The following CDYL2 variants were observed in gnomAD, a reference collection of about 807,000 sequenced individuals.
CDYL2 encodes chromodomain Y-like protein 2.
A neutral mutation model predicts 49.4 loss-of-function variants in CDYL2; 23 were observed. That is an observed-to-expected ratio of 0.47 (90% CI 0.34 to 0.66). CDYL2 has a LOEUF of 0.66. Among genes scored for constraint, CDYL2 ranks in the 30% least tolerant of loss-of-function variants. The pLI is 0.01. For missense variants in CDYL2, 678 were observed against 656.4 expected (o/e 1.03, Z -0.36); for synonymous variants, 360 against 268.8 (o/e 1.34, Z -3.32).
intron 1 of CDYL2, among the ~76,000 whole-genome samples, chr16:80,785,024 G>C (rs1290476502): frequency 6.6e-6 from 1 of 152,102 alleles, no homozygotes; most frequent in Non-Finnish European, 1.5e-5. Flanking sequence ...AACGGGGAGT[G>C]GTGTTAGCCA....
intron 1 of CDYL2, among the ~76,000 whole-genome samples, chr16:80,803,932 G>T (rs1186575957): frequency 2.8e-5 from 4 of 142,704 alleles, no homozygotes; most frequent in Non-Finnish European, 6.2e-5. Context: ...AAGAGAAAGA[G>T]GGAGCGGGCG....
chr16:80,674,855 A>G (rs1567565962), intron 2 of CDYL2, among the ~76,000 whole-genome samples: 4 of 152,078 alleles, frequency 2.6e-5, no homozygotes, highest in South Asian at 2.1e-4. Flanking sequence ...TTTTTTTGCC[A>G]TTTCTTCTAG....
chr16:80,665,505 TA>T lies in CDYL2; in HGVS notation c.616+19032del, dbSNP rs35248259. On this transcript the variant is annotated intron_variant, in intron 2 of 6. Coordinates refer to ENST00000570137, the MANE Select transcript of CDYL2 (RefSeq NM_152342.4). ...AAAAAGTAATTGAGGTTTTTGCCAT[TA>T]AAAAAAAAAAAAAAAAAAAATAGCA... Among the ~76,000 whole-genome samples, 890 of 121,614 alleles carry T rather than the reference TA, an allele frequency of 7.3e-3. 4 individuals are homozygous for T. The highest frequency in any genetic ancestry group is 0.017 in the East Asian group (69 of 4,064). The allele number at this position is 121,614 out of a possible 152,430, so 79.8% of individuals were successfully genotyped here. A position where few individuals can be genotyped will look rare whatever the true frequency, so the allele number is the denominator to read the frequency against.
At chr16:80,608,378 T>A (rs1184278532) in intron 5 of CDYL2, 143 bp from the exon 6 acceptor site, 3 of 915,952 alleles carry the variant, frequency 3.3e-6, no homozygotes, top group African/African-American at 1.7e-5. Flanking sequence ...TGGGGTCAGA[T>A]AAGCTTTGGG....
chr16:80,631,022 T>C (rs1432789626), intron 3 of CDYL2, among the ~76,000 whole-genome samples: 2 of 152,056 alleles, frequency 1.3e-5, no homozygotes, highest in African/African-American at 4.8e-5. Flanking sequence ...ATACAGGATA[T>C]TGCAAGGACA....
At chr16:80,770,734 T>C (rs1906878127) in intron 1 of CDYL2, among the ~76,000 whole-genome samples, 1 of 152,230 alleles carries the variant, frequency 6.6e-6, no homozygotes, top group Admixed American at 6.5e-5. Context: ...AGACATACAA[T>C]ACTTTTAAAT....
chr16:80,627,195 C>G (rs1036972870), intron 3 of CDYL2, among the ~76,000 whole-genome samples: 1 of 152,168 alleles, frequency 6.6e-6, no homozygotes, highest in African/African-American at 2.4e-5. Flanking sequence ...ATCAAAAAAG[C>G]TCACAGGCCA....
intron 4 of CDYL2, among the ~76,000 whole-genome samples, chr16:80,613,173 T>C (rs906722576): frequency 5.9e-5 from 9 of 152,166 alleles, no homozygotes; most frequent in African/African-American, 2.2e-4. Context: ...AATTTCTATA[T>C]ATCCTAAGGA....
intron 1 of CDYL2, among the ~76,000 whole-genome samples, chr16:80,706,834 G>C (rs1904421761): frequency 6.6e-6 from 1 of 152,206 alleles, no homozygotes; most frequent in Non-Finnish European, 1.5e-5. Context: ...GCAGAAGATA[G>C]GCCGGTCTCA....
At chr16:80,667,523 T>C (rs1245525836) in intron 2 of CDYL2, among the ~76,000 whole-genome samples, 2 of 152,180 alleles carry the variant, frequency 1.3e-5, no homozygotes, top group Non-Finnish European at 2.9e-5. Context: ...TCGGTGCCCT[T>C]ACCTATGGCC....
intron 2 of CDYL2, among the ~76,000 whole-genome samples, chr16:80,654,029 T>C (rs1211435275): frequency 6.6e-6 from 1 of 152,200 alleles, no homozygotes; most frequent in Non-Finnish European, 1.5e-5. Flanking sequence ...GAAAATCTCC[T>C]GGACTGTCAC....
At chr16:80,679,291 T>TAAAC (rs147738019) in intron 2 of CDYL2, among the ~76,000 whole-genome samples, 81,826 of 150,748 alleles carry the variant, frequency 0.54, 23,262 homozygotes, top group Middle Eastern at 0.68. Flanking sequence ...AATAAATAAA[T>TAAAC]AAACAAACAA....
intron 2 of CDYL2, among the ~76,000 whole-genome samples, chr16:80,654,119 T>A (rs188617501): frequency 0.012 from 1,815 of 152,170 alleles, 33 homozygotes; most frequent in East Asian, 0.036. Flanking sequence ...GCCGTGGTGA[T>A]TTGGGGAAGA....
At chr16:80,631,741 G>C (rs139418535) in intron 3 of CDYL2, among the ~76,000 whole-genome samples, 1 of 152,140 alleles carries the variant, frequency 6.6e-6, no homozygotes, top group Non-Finnish European at 1.5e-5. Context: ...ATAGGCAAAG[G>C]ATGTGAATAG....
chr16:80,632,477 G>C (rs572497656), intron 3 of CDYL2, among the ~76,000 whole-genome samples: 2 of 152,288 alleles, frequency 1.3e-5, no homozygotes, highest in East Asian at 3.9e-4. Context: ...AGATGTTCTG[G>C]AATTCAGTAG....
At chr16:80,702,828 A>G (rs1904309801) in intron 1 of CDYL2, among the ~76,000 whole-genome samples, 1 of 152,220 alleles carries the variant, frequency 6.6e-6, no homozygotes, top group Admixed American at 6.5e-5. Context: ...GCCAACAGCC[A>G]GCACTGCACG....
At chr16:80,639,591 G>A (rs1249618569) in intron 2 of CDYL2, 6 of 439,022 alleles carry the variant, frequency 1.4e-5, no homozygotes, top group Admixed American at 5.0e-5. Context: ...CCTCCCCCCT[G>A]CAAGGACATC....
chr16:80,600,664 A>G lies in CDYL2; in HGVS notation c.*3724T>C, dbSNP rs1906041861. On this transcript the variant is annotated 3_prime_UTR_variant, in exon 7 of 7. Coordinates refer to ENST00000570137, the MANE Select transcript of CDYL2 (RefSeq NM_152342.4). ...AATACAGAAAAACAGAAGATAAGCA[A>G]TTCTGCATTTTAAATATTCACTTAG... 2 of 152,182 alleles carry G rather than the reference A, an allele frequency of 1.3e-5. No individual in the cohort carries two copies. The allele number at this position is 152,182 out of a possible 1,614,324, so 9.4% of individuals were successfully genotyped here.
intron 1 of CDYL2, among the ~76,000 whole-genome samples, chr16:80,736,840 T>A (rs74030409): frequency 1.3e-5 from 2 of 152,230 alleles, no homozygotes; most frequent in Admixed American, 6.5e-5. Context: ...TTGACTTGGA[T>A]AAGGACTTGT....
Sources: allele counts gnomAD v4.1 joint callset (sites outside exome capture counted in the v4.1 genomes callset), GRCh38; gene constraint gnomAD v4.1.1; transcripts MANE v1.5; gene names NCBI Gene and HGNC (gene_info 2026-07-23, HGNC 2026-07-21).